Variants in COL6A3 observed in about 807,000 individuals in gnomAD.
COL6A3 encodes the protein collagen type VI alpha 3 chain, also known as collagen alpha-3(VI) chain.
A neutral mutation model predicts 274.1 loss-of-function variants in COL6A3; 137 were observed. That is an observed-to-expected ratio of 0.50 (90% CI 0.44 to 0.58). The LOEUF (loss-of-function observed/expected upper bound fraction) is 0.58. Among genes scored for constraint, COL6A3 ranks in the 20% least tolerant of loss-of-function variants. The pLI is 0.00. For synonymous variants in COL6A3, 1,650 were observed against 1,650.6 expected (o/e 1.00, Z 0.01); for missense variants, 3,950 against 4,124.9 (o/e 0.96, Z 1.16).
intron 4 of COL6A3, among the ~76,000 whole-genome samples, chr2:237,382,068 G>A (rs4663733): frequency 0.012 from 1,854 of 152,194 alleles, 66 homozygotes; most frequent in Admixed American, 0.059. Context: ...AGCAAGTGCC[G>A]CAAACATTTT....
In COL6A3 at chr2:237,397,017, T is replaced by TGATA. The variant is rs60589035; in HGVS notation, c.-30-174_-30-171dup. On this transcript the variant is annotated intron_variant, in intron 1 of 43. Transcript: ENST00000295550. Reference sequence around the variant, plus strand: ...GATGGATGATAGACAGTTAGATAGATGATAGATAGATAGATAGATAGATAG... The same window carrying TGATA: ...GATGGATGATAGACAGTTAGATAGATGATAGATAGATAGATAGATAGATAGATAG... 0.39 allele frequency among the ~76,000 whole-genome samples: 57,140 copies of TGATA among 145,774 alleles called. 11,307 individuals are homozygous for TGATA. The highest frequency in any genetic ancestry group is 0.42 in the Non-Finnish European group (28,151 of 66,966).
chr2:237,371,490 G>A lies in COL6A3; in HGVS notation c.4285+242C>T. 1 of 725,366 alleles carries A rather than the reference G, an allele frequency of 1.4e-6. No homozygotes were observed. Among genetic ancestry groups the A allele is most frequent in the Non-Finnish European group, 2.0e-6 (1 of 490,076 alleles). The allele number at this position is 725,366 out of a possible 1,614,324, so 44.9% of individuals were successfully genotyped here. Reference sequence around the variant, plus strand: ...GTATGAACCTGTAGTCCTAGCTACTGAGGAGGCTGAAGTGGGAGGTTGGCT... The same window carrying A: ...GTATGAACCTGTAGTCCTAGCTACTAAGGAGGCTGAAGTGGGAGGTTGGCT... On this transcript the variant is annotated intron_variant, in intron 9 of 43. Coordinates refer to ENST00000295550, the MANE Select transcript of COL6A3 (RefSeq NM_004369.4). The surrounding 1 kb of genome is among the most constrained non-coding windows in gnomAD (Gnocchi z 4.3).
intron 40 of COL6A3, among the ~76,000 whole-genome samples, chr2:237,335,592 G>A (rs1252075636): frequency 6.6e-6 from 1 of 152,174 alleles, no homozygotes; most frequent in East Asian, 1.9e-4. Flanking sequence ...CTGCTGGACT[G>A]AACACCCAGT....
intron 41 of COL6A3, 44 bp downstream of exon 41, chr2:237,334,582 C>T: frequency 6.2e-7 from 1 of 1,602,664 alleles, no homozygotes; most frequent in Non-Finnish European, 8.5e-7. Context: ...ATTTGATACT[C>T]TACATAGAAA....
chr2:237,377,039 G>C lies in COL6A3; in HGVS notation c.2803C>G (p.Arg935Gly). 1 of 1,614,166 alleles carries C rather than the reference G, an allele frequency of 6.2e-7. No individual in the cohort carries two copies. Among genetic ancestry groups the C allele is most frequent in the Non-Finnish European group, 8.5e-7 (1 of 1,180,032 alleles). The change falls in exon 7 of 44, where the codon CGG becomes GGG. Residue 935 changes from arginine (R) to glycine (G), a missense_variant. Physicochemically the swap from Arg to Gly is moderately radical, Grantham distance 125. This residue lies in a region of COL6A3 where 1,934 missense variants were observed against 1,984.3 expected (regional missense o/e 0.97). Transcript: ENST00000295550. Reference protein sequence around the residue: ...RYIFVKSAGSRIEDGVLQFLV... With the variant: ...RYIFVKSAGSGIEDGVLQFLV... ...AACTGAAGCACTCCATCCTCGATCC[G>C]GCTGCCAGCAGACTTCACAAAAATG...
At chr2:237,396,634 T>C in intron 2 of COL6A3, 93 bp downstream of exon 2, 1 of 1,282,966 alleles carries the variant, frequency 7.8e-7, no homozygotes, top group Non-Finnish European at 1.1e-6. Context: ...CTTAAGAACA[T>C]ATCTAAGCTC....
chr2:237,401,374 T>G (rs1464664936), intron 1 of COL6A3, among the ~76,000 whole-genome samples: 1 of 151,212 alleles, frequency 6.6e-6, no homozygotes, highest in Non-Finnish European at 1.5e-5. Flanking sequence ...ATAAAGAAAT[T>G]AATTCATTTC....
intron 8 of COL6A3, among the ~76,000 whole-genome samples, chr2:237,373,492 C>T (rs1009699394): frequency 1.3e-5 from 2 of 152,146 alleles, no homozygotes; most frequent in South Asian, 2.1e-4. Context: ...CAGGCACCAG[C>T]GAGGAGAAAC....
rs772114799 is a variant in COL6A3, at chr2:237,357,263, C to T, written c.6591+75G>A. On this transcript the variant is annotated intron_variant, in intron 23 of 43. Transcript: ENST00000295550. The stretch of plus-strand genomic sequence containing the variant: ...ACTGCAGAGCTGTGGACTAACCATG[C>T]ACCAGGTCATGTTGGGCAGATCTTA... The T allele has an allele frequency of 2.4e-5, 30 of 1,262,306 alleles. 1 individual carries two copies. Among genetic ancestry groups the T allele is most frequent in the Non-Finnish European group, 3.4e-5 (29 of 858,586 alleles). 78.2% of individuals were successfully genotyped at this position (1,262,306 alleles called of 1,614,324 possible).
intron 18 of COL6A3, 23 bp downstream of exon 18, chr2:237,359,338 TA>T (rs774174651): frequency 6.2e-7 from 1 of 1,614,126 alleles, no homozygotes; most frequent in Non-Finnish European, 8.5e-7. Context: ...TTTCCATTTG[TA>T]AAACAAAACC....
chr2:237,338,795 G>C (rs1418093187), intron 39 of COL6A3: 1 of 527,360 alleles, frequency 1.9e-6, no homozygotes, highest in East Asian at 3.3e-5. Flanking sequence ...AAAATAAATA[G>C]GTGGTTGTTG....
At chr2:237,347,495 T>G (rs1350023216) in intron 31 of COL6A3, among the ~76,000 whole-genome samples, 6 of 152,180 alleles carry the variant, frequency 3.9e-5, no homozygotes, top group African/African-American at 1.4e-4. Flanking sequence ...CCAAAGTGAC[T>G]GCACAGACTT....
Position 237,376,854 on chromosome 2 carries a change from T to G in COL6A3, c.2988A>C (p.Ala996=). The stretch of plus-strand genomic sequence containing the variant: ...GATCTCCAATCTTGGGAAGCGACTC[T>G]GCAGCCAGGATAAACGCTGGAGACA... ...IVLSPAFILA[A]ESLPKIGDLH... Residue 996 remains alanine, a synonymous_variant, in exon 7 of 44, where the codon GCA becomes GCC. Coordinates refer to ENST00000295550, the MANE Select transcript of COL6A3 (RefSeq NM_004369.4). 6 of 1,614,242 alleles carry G rather than the reference T, an allele frequency of 3.7e-6. No homozygotes were observed. The highest frequency in any genetic ancestry group is 5.1e-6 in the Non-Finnish European group (6 of 1,180,044).
At chr2:237,373,725 G>A (rs755331609) in intron 8 of COL6A3, among the ~76,000 whole-genome samples, 15 of 152,166 alleles carry the variant, frequency 9.9e-5, no homozygotes, top group South Asian at 2.1e-4. Flanking sequence ...CGAGTGACCC[G>A]GGAGAGTGGC....
chr2:237,391,669 C>T lies in COL6A3; in HGVS notation c.709+2918G>A, dbSNP rs546958677. Among the ~76,000 whole-genome samples the T allele has an allele frequency of 6.6e-4, 100 of 152,172 alleles. 1 individual carries two copies. Among genetic ancestry groups the T allele is most frequent in the African/African-American group, 2.2e-3 (93 of 41,534 alleles). On this transcript the variant is annotated intron_variant, in intron 3 of 43. Coordinates refer to ENST00000295550, the MANE Select transcript of COL6A3 (RefSeq NM_004369.4). ...TGCCTCAGCCTCCCGGGATTACAGA[C>T]GCCCACCACCACACCTGGCTAATTT...
At position 237,387,795 on chromosome 2, in the gene COL6A3, C is replaced by T; in HGVS notation, c.1099G>A (p.Val367Ile). 6.2e-7 allele frequency: 1 copy of T among 1,614,130 alleles called. No individual in the cohort carries two copies. The change falls in exon 4 of 44, where the codon GTA (valine) becomes ATA (isoleucine). Residue 367 changes from valine to isoleucine, a missense_variant. By Grantham distance (29) the Val-to-Ile change is conservative (BLOSUM62 3). This residue lies in a region of COL6A3 where 1,934 missense variants were observed against 1,984.3 expected (regional missense o/e 0.97). Transcript: ENST00000295550. ...PSSDEIRYGVVALKQASVFSF... is the reference protein window; with the variant it reads ...PSSDEIRYGVIALKQASVFSF... ...AACACGCTAGCCTGCTTCAGTGCTACCACCCCGTAGCGAATCTCGTCACTA... is the reference window on the plus strand; with the variant it reads ...AACACGCTAGCCTGCTTCAGTGCTATCACCCCGTAGCGAATCTCGTCACTA...
chr2:237,372,639 T>C (rs1197880224), intron 8 of COL6A3, among the ~76,000 whole-genome samples: 1 of 152,106 alleles, frequency 6.6e-6, no homozygotes, highest in Admixed American at 6.5e-5. Flanking sequence ...GACCCGAGGG[T>C]CAGCCACTGG....
Position 237,394,611 on chromosome 2 carries a change from T to C in COL6A3, c.685A>G (p.Thr229Ala), listed in dbSNP as rs747579617. ...CCTGTGATGTCTTTAAGGGTTTCCG[T>C]GTCCCCAGCCCTTTCTGGACTCACG... ...SSVSPERAGD[T>A]ETLKDITAQD... Residue 229 changes from threonine to alanine, a missense_variant, in exon 3 of 44, where the codon ACG becomes GCG. By Grantham distance (58) the Thr-to-Ala change is moderately conservative. This residue lies in a region of COL6A3 where 1,934 missense variants were observed against 1,984.3 expected (regional missense o/e 0.97). Transcript: ENST00000295550. 5 of 1,614,174 alleles carry C rather than the reference T, an allele frequency of 3.1e-6. No homozygotes were observed. The South Asian group carries it at 4.4e-5, about 14-fold the overall frequency.
intron 1 of COL6A3, among the ~76,000 whole-genome samples, chr2:237,404,390 G>A (rs928242128): frequency 6.6e-6 from 1 of 152,162 alleles, no homozygotes; most frequent in African/African-American, 2.4e-5. Context: ...AAATTTTAAT[G>A]CAAATCTTCT....
Sources: gnomAD v4.1 joint callset for allele counts (sites outside exome capture counted in the v4.1 genomes callset) on GRCh38, gnomAD v4.1.1 for gene constraint, gnomAD v4.1.1 regional missense constraint, Gnocchi (gnomAD v3.1) non-coding constraint, MANE v1.5 for transcripts, NCBI Gene and HGNC (gene_info 2026-07-23, HGNC 2026-07-21) for gene names.